RALGAPA1: variants seen among roughly 807,000 people sequenced by gnomAD.
RALGAPA1 encodes Ral GTPase activating protein catalytic subunit alpha 1, also known as ral GTPase-activating protein subunit alpha-1.
RALGAPA1 carries 52 observed loss-of-function variants against 269.6 expected under a neutral mutation model. That is an observed-to-expected ratio of 0.19 (90% CI 0.15 to 0.24). The LOEUF is 0.24. Among genes scored for constraint, RALGAPA1 ranks in the 10% least tolerant of loss-of-function variants. The pLI, the probability that RALGAPA1 is intolerant of heterozygous loss-of-function variation, is 1.00. For missense variants in RALGAPA1, 1,917 were observed against 3,013.9 expected, an observed-to-expected ratio of 0.64 and a Z score of 8.52; for synonymous variants, 817 against 1,008.3, an observed-to-expected ratio of 0.81 and a Z score of 3.60.
intron 37 of RALGAPA1, among the ~76,000 whole-genome samples, chr14:35,575,167 G>C (rs1037237930): frequency 2.0e-5 from 3 of 151,418 alleles, no homozygotes; most frequent in Admixed American, 2.0e-4. Context: ...AGTAGGTTTT[G>C]CTATACTCTA....
intron 39 of RALGAPA1, among the ~76,000 whole-genome samples, chr14:35,567,771 G>C (rs1653899760): frequency 6.6e-6 from 1 of 152,102 alleles, no homozygotes; most frequent in Admixed American, 6.5e-5. Context: ...TGCTCAATAA[G>C]TTGAGTTCCT....
chr14:35,649,782 T>G (rs2062691056), intron 31 of RALGAPA1, among the ~76,000 whole-genome samples: 1 of 152,218 alleles, frequency 6.6e-6, no homozygotes, highest in African/African-American at 2.4e-5. Flanking sequence ...TATATTGTGT[T>G]GCCTCATTTG....
intron 31 of RALGAPA1, among the ~76,000 whole-genome samples, chr14:35,650,456 T>A (rs1372050573): frequency 1.3e-5 from 2 of 151,854 alleles, no homozygotes; most frequent in African/African-American, 2.4e-5. Flanking sequence ...AAGATGAAGA[T>A]GATGATGATA....
chr14:35,542,425 T>C (rs1023775897), intron 41 of RALGAPA1: 1 of 157,864 alleles, frequency 6.3e-6, no homozygotes, highest in Admixed American at 6.4e-5. Context: ...AATTCTTCCA[T>C]GTCTTCCTCA....
At chr14:35,768,695 T>TA (rs1026697389) in intron 4 of RALGAPA1, among the ~76,000 whole-genome samples, 6 of 150,812 alleles carry the variant, frequency 4.0e-5, no homozygotes, top group South Asian at 2.1e-4. Context: ...TCCTGTCTCT[T>TA]AAAAAAAATA....
At chr14:35,752,808 G>C (rs2141270469) in intron 7 of RALGAPA1, among the ~76,000 whole-genome samples, 1 of 152,216 alleles carries the variant, frequency 6.6e-6, no homozygotes, top group South Asian at 2.1e-4. Flanking sequence ...GGCAATGGTG[G>C]CAACGGGAGA....
At chr14:35,679,961 A>G (rs573582898) in intron 21 of RALGAPA1, among the ~76,000 whole-genome samples, 1 of 152,172 alleles carries the variant, frequency 6.6e-6, no homozygotes, top group African/African-American at 2.4e-5. Context: ...GAGTAAATTC[A>G]TATGGCACAA....
At chr14:35,733,634 A>G (rs1324156466) in intron 12 of RALGAPA1, among the ~76,000 whole-genome samples, 3 of 152,120 alleles carry the variant, frequency 2.0e-5, no homozygotes, top group Non-Finnish European at 4.4e-5. Flanking sequence ...AACAGCACAA[A>G]CTGACAGTCT....
intron 34 of RALGAPA1, among the ~76,000 whole-genome samples, chr14:35,626,344 T>C (rs191749287): frequency 1.3e-5 from 2 of 152,304 alleles, no homozygotes; most frequent in Middle Eastern, 3.4e-3. Context: ...CACTGATATC[T>C]GAGCTTCCCC....
At chr14:35,560,439 T>G (rs989131609) in intron 39 of RALGAPA1, among the ~76,000 whole-genome samples, 1 of 152,194 alleles carries the variant, frequency 6.6e-6, no homozygotes, top group Non-Finnish European at 1.5e-5. Context: ...AAAAGTTCCA[T>G]GTGTCTCTGA....
rs144641774 is a variant in RALGAPA1, at chr14:35,556,394, G to A, written c.7497-7160C>T. On this transcript the variant is annotated intron_variant, in intron 39 of 41. Coordinates refer to ENST00000680220, the MANE Select transcript of RALGAPA1 (RefSeq NM_001346249.2). ...TAAATTAAGATCTGGCAGAGGGAAA[G>A]ATATTCCATTTCTTTCCTACTGTAA... is the stretch of plus-strand genomic sequence containing the variant. Among the ~76,000 whole-genome samples the A allele has an allele frequency of 7.9e-3, 1,208 of 152,220 alleles. 6 individuals are homozygous for A. The highest frequency in any genetic ancestry group is 0.013 in the Non-Finnish European group (877 of 67,998).
intron 1 of RALGAPA1, among the ~76,000 whole-genome samples, chr14:35,792,383 C>T (rs530342948): frequency 1.3e-5 from 2 of 152,174 alleles, no homozygotes; most frequent in African/African-American, 4.8e-5. Flanking sequence ...TCTCGAACTC[C>T]TGACCTCAAG....
rs201089890 is a variant in RALGAPA1, at chr14:35,757,119, ATTT to A, written c.548-214_548-212del. Among the ~76,000 whole-genome samples the A allele has an allele frequency of 4.1e-3, 587 of 144,816 alleles. 1 individual carries two copies. Among genetic ancestry groups the A allele is most frequent in the African/African-American group, 0.013 (512 of 38,596 alleles). On this transcript the variant is annotated intron_variant, in intron 6 of 41. Coordinates refer to ENST00000680220, the MANE Select transcript of RALGAPA1 (RefSeq NM_001346249.2). ...TTATTTATTTATTATTATTATTATT[ATTT>A]TTTTTTTTTTTTTGAGACGGAGTCT...
chr14:35,672,880 A>T lies in RALGAPA1; in HGVS notation c.5060T>A (p.Leu1687His), dbSNP rs756243027. Residue 1687 changes from leucine to histidine, a missense_variant, in exon 25 of 42, where the codon CTT becomes CAT. This residue lies in a region of RALGAPA1 where 346 missense variants were observed against 566.1 expected (regional missense o/e 0.61). Transcript: ENST00000680220. ...ATATATAGTTACCTGGTCAATATGA[A>T]GTAATCCACAATGCATTATATTGTA... ...HFYNIMHCGL[L>H]HIDQDIVNTI... 27 of 1,544,766 alleles carry T rather than the reference A, an allele frequency of 1.7e-5. No individual in the cohort carries two copies. The South Asian group carries it at 3.3e-4, about 19-fold the overall frequency.
intron 1 of RALGAPA1, among the ~76,000 whole-genome samples, chr14:35,793,779 C>T (rs1358061583): frequency 6.6e-6 from 1 of 152,312 alleles, no homozygotes; most frequent in East Asian, 1.9e-4. Flanking sequence ...GTAATCAGCT[C>T]ATCTCTGAAA....
At chr14:35,758,244 A>C (rs1402568087) in intron 6 of RALGAPA1, among the ~76,000 whole-genome samples, 1 of 83,018 alleles carries the variant, frequency 1.2e-5, no homozygotes, top group East Asian at 8.1e-4. Flanking sequence ...ACTCTGTCTC[A>C]AAAAAAAAAA....
chr14:35,683,607 A>G (rs986636201), intron 21 of RALGAPA1: 50 of 463,304 alleles, frequency 1.1e-4, no homozygotes, highest in Non-Finnish European at 1.4e-4. Flanking sequence ...CTACAAGTTC[A>G]CAGAGTCCTC....
intron 11 of RALGAPA1, among the ~76,000 whole-genome samples, chr14:35,741,692 A>C (rs540056958): frequency 2.9e-4 from 44 of 152,310 alleles, no homozygotes; most frequent in African/African-American, 8.9e-4. Flanking sequence ...AATCACTTTC[A>C]ATAAACTTTC....
chr14:35,792,244 C>G (rs2076230641), intron 1 of RALGAPA1, among the ~76,000 whole-genome samples: 1 of 152,054 alleles, frequency 6.6e-6, no homozygotes, highest in Non-Finnish European at 1.5e-5. Context: ...GGAACCTCTT[C>G]TTCCTGGGTT....
Sources: gnomAD v4.1 joint callset for allele counts (sites outside exome capture counted in the v4.1 genomes callset) on GRCh38, gnomAD v4.1.1 for gene constraint, gnomAD v4.1.1 regional missense constraint, MANE v1.5 for transcripts, NCBI Gene and HGNC (gene_info 2026-07-23, HGNC 2026-07-21) for gene names.